DRC11: variants seen among roughly 807,000 people sequenced by gnomAD.
The protein encoded by DRC11 is dynein regulatory complex subunit 11.
the DRC11 span, among the ~76,000 whole-genome samples, chr2:236,312,134 G>A: frequency 1.3e-5 from 2 of 152,102 alleles, no homozygotes; most frequent in Non-Finnish European, 2.9e-5. Flanking sequence ...TGCTCCCTAA[G>A]GACATATAGA....
the DRC11 span, among the ~76,000 whole-genome samples, chr2:236,498,688 C>T: frequency 6.6e-6 from 1 of 152,150 alleles, no homozygotes; most frequent in Non-Finnish European, 1.5e-5. Context: ...GGTGGTGGCT[C>T]TGCTGTGGCT....
the DRC11 span, chr2:236,419,005 A>C: frequency 3.1e-6 from 4 of 1,282,100 alleles, no homozygotes; most frequent in Non-Finnish European, 4.1e-6. This position sits in a 1 kb window ranked among gnomAD's most constrained non-coding sequence, Gnocchi z 4.8. Context: ...AAAACTGAAA[A>C]CCTGTTGGTA....
the DRC11 span, chr2:236,507,468 G>A: frequency 1.7e-6 from 1 of 597,366 alleles, no homozygotes; most frequent in Non-Finnish European, 3.0e-6. Flanking sequence ...TCGCAGGCAC[G>A]GAGCGCGCAG....
chr2:236,371,572 G>A, the DRC11 span, among the ~76,000 whole-genome samples: 6 of 152,184 alleles, frequency 3.9e-5, no homozygotes, highest in Non-Finnish European at 7.4e-5. This position sits in a 1 kb window ranked among gnomAD's most constrained non-coding sequence, Gnocchi z 5.1. Context: ...AGCGCACACC[G>A]CTCTTATGCA....
At chr2:236,466,742 C>T in the DRC11 span, among the ~76,000 whole-genome samples, 2 of 152,152 alleles carry the variant, frequency 1.3e-5, no homozygotes, top group Admixed American at 1.3e-4. Context: ...AGATCTGCCC[C>T]CAAGATCCAT....
chr2:236,323,927 C>T, the DRC11 span, among the ~76,000 whole-genome samples: 1 of 152,040 alleles, frequency 6.6e-6, no homozygotes, highest in Admixed American at 6.6e-5. The surrounding 1 kb of genome is among the most constrained non-coding windows in gnomAD (Gnocchi z 6.4). Context: ...GTCGGCTTTC[C>T]CTTCTCTGCA....
the DRC11 span, among the ~76,000 whole-genome samples, chr2:236,442,246 C>T: frequency 3.3e-5 from 5 of 151,956 alleles, no homozygotes; most frequent in African/African-American, 9.7e-5. Flanking sequence ...AAAAAACTAG[C>T]GAGAAGAGTG....
At chr2:236,380,453 CG>C in the DRC11 span, 1 of 811,660 alleles carries the variant, frequency 1.2e-6, no homozygotes, top group Non-Finnish European at 2.0e-6. The surrounding 1 kb of genome is among the most constrained non-coding windows in gnomAD (Gnocchi z 4.9). Flanking sequence ...CCCACCACTC[CG>C]GGACTGTGGA....
chr2:236,349,168 G>T, the DRC11 span, among the ~76,000 whole-genome samples: 18 of 151,972 alleles, frequency 1.2e-4, no homozygotes, highest in Non-Finnish European at 2.9e-5. The surrounding 1 kb of genome is among the most constrained non-coding windows in gnomAD (Gnocchi z 5.5). Flanking sequence ...TCAGCTCCTT[G>T]GTGCAAGCCC....
the DRC11 span, among the ~76,000 whole-genome samples, chr2:236,372,102 C>T: frequency 9.2e-5 from 14 of 152,132 alleles, no homozygotes; most frequent in Non-Finnish European, 1.8e-4. This position sits in a 1 kb window ranked among gnomAD's most constrained non-coding sequence, Gnocchi z 4.5. Context: ...GAGGTGCTTT[C>T]GACCGCAGCA....
the DRC11 span, among the ~76,000 whole-genome samples, chr2:236,452,786 A>G: frequency 6.6e-6 from 1 of 152,170 alleles, no homozygotes; most frequent in Non-Finnish European, 1.5e-5. The surrounding 1 kb of genome is among the most constrained non-coding windows in gnomAD (Gnocchi z 4.7). Flanking sequence ...ATTGGAAAGT[A>G]TTATCTCGAA....
chr2:236,347,508 C>CTATATATACATATATATATATATATATA, the DRC11 span, among the ~76,000 whole-genome samples: 6 of 107,542 alleles, frequency 5.6e-5, no homozygotes, highest in African/African-American at 1.9e-4. Context: ...AAAAACTGTG[C>CTATATATACATATATATATATATATATA]TATATATATA....
At chr2:236,351,789 G>A in the DRC11 span, among the ~76,000 whole-genome samples, 1 of 151,962 alleles carries the variant, frequency 6.6e-6, no homozygotes, top group Non-Finnish European at 1.5e-5. This position sits in a 1 kb window ranked among gnomAD's most constrained non-coding sequence, Gnocchi z 7.3. Context: ...GATGGGGAGG[G>A]CAGGACTGGC....
chr2:236,441,198 T>C, the DRC11 span: 4 of 1,027,790 alleles, frequency 3.9e-6, no homozygotes, highest in Non-Finnish European at 6.0e-6. Context: ...TATTTGCTTA[T>C]GTTCATTTAA....
chr2:236,498,411 C>G, the DRC11 span, among the ~76,000 whole-genome samples: 1 of 151,262 alleles, frequency 6.6e-6, no homozygotes, highest in South Asian at 2.1e-4. Context: ...TTTGCAGTGA[C>G]CCGAAATCAT....
At chr2:236,507,325 A>G in the DRC11 span, 270 of 1,605,120 alleles carry the variant, frequency 1.7e-4, 1 homozygote, top group African/African-American at 3.1e-3. Flanking sequence ...TTGCTCTCTG[A>G]AGGACGGTGG....
At chr2:236,438,055 C>T in the DRC11 span, among the ~76,000 whole-genome samples, 2 of 140,006 alleles carry the variant, frequency 1.4e-5, no homozygotes, top group African/African-American at 2.7e-5. Flanking sequence ...AGGTTTTCTT[C>T]TAGGGTTTTT....
the DRC11 span, among the ~76,000 whole-genome samples, chr2:236,490,058 G>A: frequency 2.0e-5 from 3 of 152,212 alleles, no homozygotes; most frequent in South Asian, 4.1e-4. This position sits in a 1 kb window ranked among gnomAD's most constrained non-coding sequence, Gnocchi z 5.5. Flanking sequence ...TGTGTGGGGC[G>A]CTGCCACCAG....
At chr2:236,404,167 A>G in the DRC11 span, among the ~76,000 whole-genome samples, 1,143 of 151,362 alleles carry the variant, frequency 7.6e-3, 7 homozygotes, top group South Asian at 0.012. Flanking sequence ...GAGTTAAAAA[A>G]AAAAAAAAAA....
Sources: gnomAD v4.1 joint callset for allele counts (sites outside exome capture counted in the v4.1 genomes callset) on GRCh38, gnomAD v4.1.1 for gene constraint, Gnocchi (gnomAD v3.1) non-coding constraint, MANE v1.5 for transcripts, NCBI Gene and HGNC (gene_info 2026-07-23, HGNC 2026-07-21) for gene names.